Variants in TGFBR2 observed in about 807,000 individuals in gnomAD.
TGFBR2 encodes transforming growth factor beta receptor 2.
Under a neutral mutation model 49.0 loss-of-function variants are expected in TGFBR2, and 18 were observed. That is an observed-to-expected ratio of 0.37 (90% CI 0.25 to 0.54). The LOEUF (loss-of-function observed/expected upper bound fraction) is 0.54, where lower values mean the gene tolerates loss of function less well. TGFBR2 is among the 20% of genes least tolerant of loss of function. The probability of loss-of-function intolerance (pLI) is 0.85; values close to 1 mark genes in which losing one functional copy is unlikely to be tolerated. For synonymous variants in TGFBR2, 282 were observed against 275.9 expected (o/e 1.02, Z -0.22); for missense variants, 525 against 722.6 (o/e 0.73, Z 3.13).
chr3:30,641,447 G>C lies in TGFBR2; in HGVS notation c.95-3300G>C, dbSNP rs12493607. 0.29 allele frequency among the ~76,000 whole-genome samples: 44,152 copies of C among 151,808 alleles called. 7,460 individuals are homozygous for C. Among genetic ancestry groups the C allele is most frequent in the East Asian group, 0.68 (3,497 of 5,120 alleles). Reference sequence around the variant, plus strand: ...TCAAGGGCTACCTGGAATTGTTAAGGTGGGGAGTCTCCTAGGGTCAACTAA... The same window carrying C: ...TCAAGGGCTACCTGGAATTGTTAAGCTGGGGAGTCTCCTAGGGTCAACTAA... On this transcript the variant is annotated intron_variant, in intron 1 of 6. Coordinates refer to ENST00000295754, the MANE Select transcript of TGFBR2 (RefSeq NM_003242.6).
At chr3:30,645,819 C>CCTCTCTCTCT (rs4016205) in intron 2 of TGFBR2, among the ~76,000 whole-genome samples, 72 of 147,990 alleles carry the variant, frequency 4.9e-4, no homozygotes, top group Admixed American at 2.0e-3. Flanking sequence ...CACATTTTCT[C>CCTCTCTCTCT]CTCTCTCTCT....
chr3:30,672,505 T>C lies in TGFBR2; in HGVS notation c.1254+68T>C, dbSNP rs1442534138. 5 of 1,526,642 alleles carry C rather than the reference T, an allele frequency of 3.3e-6. No individual in the cohort carries two copies. In the African/African-American group the frequency reaches 5.5e-5, roughly 17 times the overall value. The allele number at this position is 1,526,642 out of a possible 1,614,324, so 94.6% of individuals were successfully genotyped here. A position where few individuals can be genotyped will look rare whatever the true frequency, so the allele number is the denominator to read the frequency against. ...GCCTCACCCTACCTCTTGATCCATA[T>C]CTCCTGGCTCTTATCTCAAACAGCC... On this transcript the variant is annotated intron_variant, in intron 4 of 6. Transcript: ENST00000295754. This position sits in a 1 kb window ranked among gnomAD's most constrained non-coding sequence, Gnocchi z 4.5.
chr3:30,606,809 G>A lies in TGFBR2; in HGVS notation c.-75G>A. ...GGGTCCGGAGAGGGCGCGGCGCGGA[G>A]GCGCAGCCAGGGGTCCGGGAAGGCG... On this transcript the variant is annotated 5_prime_UTR_variant, in exon 1 of 7. Coordinates refer to ENST00000295754, the MANE Select transcript of TGFBR2 (RefSeq NM_003242.6). The A allele has an allele frequency of 9.0e-7, 1 of 1,116,736 alleles. No homozygotes were observed. The highest frequency in any genetic ancestry group is 1.2e-6 in the Non-Finnish European group (1 of 857,494). 69.2% of individuals were successfully genotyped at this position (1,116,736 alleles called of 1,614,324 possible).
At chr3:30,616,948 T>G (rs1270008459) in intron 1 of TGFBR2, among the ~76,000 whole-genome samples, 13 of 152,190 alleles carry the variant, frequency 8.5e-5, no homozygotes. Context: ...TTTGGTTAAT[T>G]ATGGTATTTT....
intron 5 of TGFBR2, among the ~76,000 whole-genome samples, chr3:30,679,501 G>A (rs1699498336): frequency 6.6e-6 from 1 of 152,148 alleles, no homozygotes; most frequent in South Asian, 2.1e-4. Context: ...TTCCACCAGG[G>A]GCCTCGGGAG....
intron 5 of TGFBR2, among the ~76,000 whole-genome samples, chr3:30,678,843 T>C (rs1403734860): frequency 6.6e-6 from 1 of 152,202 alleles, no homozygotes; most frequent in Non-Finnish European, 1.5e-5. Flanking sequence ...AGGTGACTAT[T>C]TGTTTTACTT....
intron 5 of TGFBR2, among the ~76,000 whole-genome samples, chr3:30,686,574 C>G (rs1372466812): frequency 1.3e-5 from 2 of 152,140 alleles, no homozygotes; most frequent in Non-Finnish European, 2.9e-5. Flanking sequence ...GAACAAAGAA[C>G]AAAAACAAGC....
At position 30,691,600 on chromosome 3, in the gene TGFBR2, C is replaced by T; in HGVS notation, c.*1C>T. Reference sequence around the variant, plus strand: ...CGGCTCCCTAAACACTACCAAATAGCTCTTCTGGGGCAGGCTGGGCCATGT... The same window carrying T: ...CGGCTCCCTAAACACTACCAAATAGTTCTTCTGGGGCAGGCTGGGCCATGT... On this transcript the variant is annotated 3_prime_UTR_variant, in exon 7 of 7. Transcript: ENST00000295754. The T allele has an allele frequency of 6.2e-7, 1 of 1,614,062 alleles. No individual in the cohort carries two copies. Among genetic ancestry groups the T allele is most frequent in the Non-Finnish European group, 8.5e-7 (1 of 1,179,962 alleles).
At chr3:30,622,707 C>T (rs1460965910) in intron 1 of TGFBR2, among the ~76,000 whole-genome samples, 1 of 151,660 alleles carries the variant, frequency 6.6e-6, no homozygotes, top group Non-Finnish European at 1.5e-5. Flanking sequence ...TGGTGAAACC[C>T]TGTCTTTACT....
At chr3:30,644,028 C>T (rs1297178109) in intron 1 of TGFBR2, among the ~76,000 whole-genome samples, 1 of 152,096 alleles carries the variant, frequency 6.6e-6, no homozygotes, top group Non-Finnish European at 1.5e-5. Flanking sequence ...TTATTTGCTG[C>T]GATCATAACT....
At chr3:30,622,467 T>C (rs927988206) in intron 1 of TGFBR2, among the ~76,000 whole-genome samples, 2 of 152,178 alleles carry the variant, frequency 1.3e-5, no homozygotes, top group African/African-American at 4.8e-5. Flanking sequence ...CACCCTTCTT[T>C]GGTACATACC....
chr3:30,623,075 A>T (rs1044805982), intron 1 of TGFBR2: 9 of 675,604 alleles, frequency 1.3e-5, no homozygotes, highest in Non-Finnish European at 1.9e-5. Flanking sequence ...GTCTAGTTAT[A>T]ATAATCTTTT....
At chr3:30,658,601 T>G (rs1419312945) in intron 3 of TGFBR2, among the ~76,000 whole-genome samples, 1 of 152,104 alleles carries the variant, frequency 6.6e-6, no homozygotes, top group Non-Finnish European at 1.5e-5. Context: ...GCTTTAGCAT[T>G]TAGTGTGGTG....
At chr3:30,667,886 C>T (rs1202813331) in intron 3 of TGFBR2, among the ~76,000 whole-genome samples, 3 of 152,110 alleles carry the variant, frequency 2.0e-5, no homozygotes, top group African/African-American at 7.2e-5. Flanking sequence ...TGAAGTCTCT[C>T]CAGATTCTGC....
intron 5 of TGFBR2, among the ~76,000 whole-genome samples, chr3:30,674,894 C>T (rs1329413783): frequency 6.6e-6 from 1 of 151,768 alleles, no homozygotes; most frequent in Non-Finnish European, 1.5e-5. Context: ...CTTTTAGGAT[C>T]ATTTTTCCCT....
intron 5 of TGFBR2, among the ~76,000 whole-genome samples, chr3:30,685,899 T>C (rs1245657474): frequency 6.6e-6 from 1 of 152,244 alleles, no homozygotes; most frequent in Non-Finnish European, 1.5e-5. Context: ...GTCTGTGGAC[T>C]GTACCTTATC....
At chr3:30,651,047 C>G (rs1042123094) in intron 3 of TGFBR2, among the ~76,000 whole-genome samples, 10 of 152,176 alleles carry the variant, frequency 6.6e-5, no homozygotes, top group Admixed American at 5.9e-4. Flanking sequence ...CAAAGTTTAC[C>G]CCTAGAGCCA....
chr3:30,623,140 T>C (rs1698264420), intron 1 of TGFBR2: 2 of 891,158 alleles, frequency 2.2e-6, no homozygotes, highest in African/African-American at 3.3e-5. Context: ...TTCACTTTCC[T>C]GTCATCTGTA....
chr3:30,690,615 T>C (rs1297518630), intron 6 of TGFBR2, among the ~76,000 whole-genome samples: 1 of 152,048 alleles, frequency 6.6e-6, no homozygotes, highest in Non-Finnish European at 1.5e-5. Context: ...CTGACGGGGG[T>C]AATCAGCCCT....
Sources: allele counts gnomAD v4.1 joint callset (sites outside exome capture counted in the v4.1 genomes callset), GRCh38; gene constraint gnomAD v4.1.1; non-coding constraint Gnocchi (gnomAD v3.1); transcripts MANE v1.5; gene names NCBI Gene and HGNC (gene_info 2026-07-23, HGNC 2026-07-21).